LRRC4C: variants seen among roughly 807,000 people sequenced by gnomAD.
LRRC4C encodes leucine rich repeat containing 4C.
Under a neutral mutation model 33.6 loss-of-function variants are expected in LRRC4C, and 5 were observed. That is an observed-to-expected ratio of 0.15 (90% CI 0.08 to 0.31). LRRC4C has a LOEUF of 0.31. Among genes scored for constraint, LRRC4C ranks in the 10% least tolerant of loss-of-function variants. The probability of loss-of-function intolerance (pLI) is 1.00; values close to 1 mark genes in which losing one functional copy is unlikely to be tolerated. For synonymous variants in LRRC4C, 329 were observed against 302.0 expected (o/e 1.09, Z -0.93); for missense variants, 560 against 796.7 (o/e 0.70, Z 3.58).
chr11:41,305,200 G>A (rs868480003), intron 1 of LRRC4C, among the ~76,000 whole-genome samples: 3 of 56,490 alleles, frequency 5.3e-5, no homozygotes, highest in African/African-American at 1.4e-4. Flanking sequence ...CCCTCTGCCC[G>A]GCCAGCCGCC....
rs948276422 is a variant in LRRC4C at position 41,390,996 on chromosome 11, A to T, written c.-496+68435T>A. Among the ~76,000 whole-genome samples, 201 of 151,788 alleles carry T rather than the reference A, an allele frequency of 1.3e-3. 2 individuals carry two copies. Among genetic ancestry groups the T allele is most frequent in the African/African-American group, 4.8e-3 (198 of 41,470 alleles). On this transcript the variant is annotated intron_variant, in intron 1 of 6. Transcript: ENST00000528697. ...GTTTGCTTTAATTAAAAAAAAAAAA[A>T]AAGTGTCCTGCCTTGGGCCATATAA...
chr11:40,847,054 G>T (rs1953216152), intron 2 of LRRC4C, among the ~76,000 whole-genome samples: 1 of 152,164 alleles, frequency 6.6e-6, no homozygotes, highest in African/African-American at 2.4e-5. Context: ...TTTGGGGGCT[G>T]AGACGATAGG....
intron 1 of LRRC4C, among the ~76,000 whole-genome samples, chr11:41,325,583 G>T (rs61877291): frequency 0.028 from 3,279 of 117,824 alleles, 110 homozygotes; most frequent in African/African-American, 0.069. Context: ...TTTTTTGTGT[G>T]TGTGTGTGTG....
intron 3 of LRRC4C, among the ~76,000 whole-genome samples, chr11:40,413,263 A>C (rs1204141236): frequency 6.6e-6 from 1 of 152,036 alleles, no homozygotes; most frequent in Non-Finnish European, 1.5e-5. Context: ...TCAAGATGAC[A>C]ATCTTTGGAC....
At chr11:41,092,594 T>C (rs75421752) in intron 1 of LRRC4C, among the ~76,000 whole-genome samples, 11,912 of 152,236 alleles carry the variant, frequency 0.078, 582 homozygotes, top group East Asian at 0.19. Context: ...GGGGGAATAA[T>C]ATAATTGGAA....
chr11:40,357,040 C>A (rs1947701851), intron 3 of LRRC4C, among the ~76,000 whole-genome samples: 1 of 152,072 alleles, frequency 6.6e-6, no homozygotes, highest in Admixed American at 6.6e-5. Flanking sequence ...CACTGTAAAC[C>A]ATATATTCTA....
chr11:41,145,741 G>T (rs1445108698), intron 1 of LRRC4C, among the ~76,000 whole-genome samples: 1 of 152,110 alleles, frequency 6.6e-6, no homozygotes, highest in Non-Finnish European at 1.5e-5. Flanking sequence ...CACAGTCCTT[G>T]GCACCGAGTT....
intron 3 of LRRC4C, among the ~76,000 whole-genome samples, chr11:40,428,378 T>C (rs1436902155): frequency 6.6e-6 from 1 of 152,208 alleles, no homozygotes; most frequent in Non-Finnish European, 1.5e-5. Flanking sequence ...TTATCCTTAG[T>C]CTCAGTTTTC....
chr11:40,630,330 C>CTCTTCTTCT (rs200043868), intron 3 of LRRC4C, among the ~76,000 whole-genome samples: 2,233 of 135,484 alleles, frequency 0.016, 38 homozygotes, highest in African/African-American at 0.037. Flanking sequence ...TTTCTTCTTC[C>CTCTTCTTCT]TCTTCTTCTT....
At chr11:40,789,945 A>G (rs1950559991) in intron 2 of LRRC4C, among the ~76,000 whole-genome samples, 1 of 152,208 alleles carries the variant, frequency 6.6e-6, no homozygotes, top group Non-Finnish European at 1.5e-5. Context: ...CAAATAAGAG[A>G]TACATGTGTC....
chr11:40,586,591 G>A (rs1172148318), intron 3 of LRRC4C, among the ~76,000 whole-genome samples: 2 of 148,644 alleles, frequency 1.3e-5, no homozygotes, highest in Non-Finnish European at 3.0e-5. Context: ...TTTCTTCTAG[G>A]GTTTTTATGG....
chr11:40,527,112 A>G (rs1956082713), intron 3 of LRRC4C, among the ~76,000 whole-genome samples: 1 of 152,144 alleles, frequency 6.6e-6, no homozygotes, highest in African/African-American at 2.4e-5. Context: ...TCACCCTGCA[A>G]TGGGGGTGAG....
chr11:41,318,221 C>A (rs1227946310), intron 1 of LRRC4C, among the ~76,000 whole-genome samples: 2 of 152,118 alleles, frequency 1.3e-5, no homozygotes, highest in Non-Finnish European at 2.9e-5. Context: ...AATATGTTTA[C>A]AGTAGATATT....
At chr11:40,907,399 G>C (rs577052630) in intron 2 of LRRC4C, among the ~76,000 whole-genome samples, 4 of 152,250 alleles carry the variant, frequency 2.6e-5, no homozygotes, top group African/African-American at 7.2e-5. Flanking sequence ...GGAACATAAT[G>C]GGGCAATCAT....
At chr11:41,256,329 A>G (rs958305213) in intron 1 of LRRC4C, among the ~76,000 whole-genome samples, 4 of 151,974 alleles carry the variant, frequency 2.6e-5, no homozygotes, top group African/African-American at 9.7e-5. Flanking sequence ...GAAGTAACAC[A>G]CTATTGTTCT....
intron 1 of LRRC4C, among the ~76,000 whole-genome samples, chr11:41,003,063 T>A (rs1399672466): frequency 6.6e-6 from 1 of 152,170 alleles, no homozygotes; most frequent in East Asian, 1.9e-4. Context: ...CATTGAAAAG[T>A]GACAAATATA....
At chr11:41,330,327 T>C (rs954624046) in intron 1 of LRRC4C, among the ~76,000 whole-genome samples, 1 of 148,490 alleles carries the variant, frequency 6.7e-6, no homozygotes, top group African/African-American at 2.6e-5. Flanking sequence ...TTTTCTTTTT[T>C]GTTTTGTTTT....
intron 1 of LRRC4C, among the ~76,000 whole-genome samples, chr11:41,096,337 A>G (rs932113797): frequency 1.3e-5 from 2 of 152,154 alleles, no homozygotes; most frequent in Non-Finnish European, 2.9e-5. Flanking sequence ...TTCTTTTGTA[A>G]GGGAAAAAAA....
At chr11:40,215,525 A>G (rs961230826) in intron 5 of LRRC4C, among the ~76,000 whole-genome samples, 9 of 152,214 alleles carry the variant, frequency 5.9e-5, no homozygotes, top group Admixed American at 2.0e-4. Flanking sequence ...CAGTAAAACT[A>G]AATTCTATCC....
Sources: allele counts gnomAD v4.1 joint callset (sites outside exome capture counted in the v4.1 genomes callset), GRCh38; gene constraint gnomAD v4.1.1; transcripts MANE v1.5; gene names NCBI Gene and HGNC (gene_info 2026-07-23, HGNC 2026-07-21).